The following RP1 variants were observed in gnomAD, a reference collection of about 807,000 sequenced individuals.
RP1 encodes the protein oxygen-regulated protein 1.
In RP1, 16 loss-of-function variants were observed where a neutral mutation model predicts 14.8. The observed-to-expected ratio is 1.08, with a 90% CI of 0.73 to 1.65. The LOEUF (loss-of-function observed/expected upper bound fraction) is 1.65, where lower values mean the gene tolerates loss of function less well. Ranked by LOEUF, RP1 falls within the 40% of genes most tolerant of loss-of-function variation. RP1 has a pLI of 0.00. For synonymous variants in RP1, 876 were observed against 883.6 expected, an observed-to-expected ratio of 0.99 and a Z score of 0.15; for missense variants, 2,631 against 2,535.0, an observed-to-expected ratio of 1.04 and a Z score of -0.81.
At chr8:54,651,250 C>T (rs1328462082) in intron 4 of RP1, among the ~76,000 whole-genome samples, 1 of 152,012 alleles carries the variant, frequency 6.6e-6, no homozygotes, top group Non-Finnish European at 1.5e-5. Flanking sequence ...TTTATAGTTT[C>T]CTTGTTATGT....
Position 54,648,983 on chromosome 8 carries a change from A to T in RP1, c.788-2A>T, listed in dbSNP as rs1215176189. ...TGCTGTATGTTATTTTTTCTTTTATAGGTAGTAACTGGAAAGTTTTTATAA... is the reference window on the plus strand; with the variant it reads ...TGCTGTATGTTATTTTTTCTTTTATTGGTAGTAACTGGAAAGTTTTTATAA... On this transcript the variant is annotated splice_acceptor_variant, in intron 3 of 22. Coordinates refer to the RP1 transcript ENST00000636932. LOFTEE classifies it high-confidence loss of function. The T allele has an allele frequency of 6.7e-7, 1 of 1,495,954 alleles. No individual in the cohort carries two copies. Among genetic ancestry groups the T allele is most frequent in the Admixed American group, 2.4e-5 (1 of 40,970 alleles). 92.7% of individuals were successfully genotyped at this position (1,495,954 alleles called of 1,614,324 possible). A position where few individuals can be genotyped will look rare whatever the true frequency, so the allele number is the denominator to read the frequency against.
chr8:54,701,271 G>A (rs1433558680), intron 13 of RP1, among the ~76,000 whole-genome samples: 1 of 152,028 alleles, frequency 6.6e-6, no homozygotes, highest in Non-Finnish European at 1.5e-5. Context: ...TTCTTCCATG[G>A]ATTCTGAGAA....
intron 12 of RP1, among the ~76,000 whole-genome samples, chr8:54,687,598 A>T (rs1563347877): frequency 6.6e-6 from 1 of 152,054 alleles, no homozygotes; most frequent in Non-Finnish European, 1.5e-5. Flanking sequence ...GCTGAGAATG[A>T]TGGTTTCCAG....
chr8:54,831,241 T>C (rs1356020045), intron 24 of RP1, among the ~76,000 whole-genome samples: 2 of 152,018 alleles, frequency 1.3e-5, no homozygotes, highest in African/African-American at 4.8e-5. Flanking sequence ...TGTTGGGTCA[T>C]ATGGTAATAC....
intron 1 of RP1, among the ~76,000 whole-genome samples, chr8:54,578,203 C>T (rs1170808541): frequency 6.6e-6 from 1 of 151,752 alleles, no homozygotes; most frequent in Non-Finnish European, 1.5e-5. Context: ...TAATTTTTAA[C>T]TTTTTAATTT....
chr8:54,572,634 C>T (rs902071796), intron 1 of RP1, among the ~76,000 whole-genome samples: 2 of 152,170 alleles, frequency 1.3e-5, no homozygotes, highest in Admixed American at 6.5e-5. Context: ...AGTGCTTTTC[C>T]TCTTCATTAT....
In RP1 at chr8:54,810,708, C is replaced by A. The variant is rs572094199; in HGVS notation, c.3616-26742C>A. Among the ~76,000 whole-genome samples, 7 of 152,330 alleles carry A rather than the reference C, an allele frequency of 4.6e-5. No individual in the cohort carries two copies. In the South Asian group the frequency reaches 1.4e-3, roughly 32 times the overall value. ...TCTGTGGAAAATCCCTGTTCCAACA[C>A]TGTGCCTGCTTGCTGTTTAATGTTG... On this transcript the variant is annotated intron_variant, in intron 24 of 28. Transcript: ENST00000637698.
At chr8:54,579,658 C>A (rs1472189339) in intron 1 of RP1, among the ~76,000 whole-genome samples, 2 of 152,206 alleles carry the variant, frequency 1.3e-5, no homozygotes, top group Admixed American at 1.3e-4. Flanking sequence ...ATCTTTGAAA[C>A]CACCATGGGA....
downstream of RP1, among the ~76,000 whole-genome samples, chr8:54,774,329 C>T (rs1441459744): frequency 3.3e-5 from 5 of 152,104 alleles, no homozygotes; most frequent in Non-Finnish European, 5.9e-5. Flanking sequence ...AGCTGAGATG[C>T]CAGAGGAACC....
At chr8:54,684,568 A>G (rs1407734733) in intron 12 of RP1, among the ~76,000 whole-genome samples, 1 of 151,952 alleles carries the variant, frequency 6.6e-6, no homozygotes, top group Non-Finnish European at 1.5e-5. Flanking sequence ...GAATTTATCC[A>G]TTTCTTCTAG....
downstream of RP1, among the ~76,000 whole-genome samples, chr8:54,635,673 C>T (rs929717357): frequency 1.3e-5 from 2 of 152,208 alleles, no homozygotes; most frequent in African/African-American, 4.8e-5. Context: ...CTTACTTTCC[C>T]GTGTAGTTGT....
downstream of RP1, among the ~76,000 whole-genome samples, chr8:54,771,091 G>C (rs1024362879): frequency 6.6e-6 from 1 of 151,946 alleles, no homozygotes; most frequent in Non-Finnish European, 1.5e-5. Context: ...AACAGTTCAA[G>C]CTTAAACTAG....
intron 21 of RP1, among the ~76,000 whole-genome samples, chr8:54,757,951 G>C (rs1809549815): frequency 6.6e-6 from 1 of 152,220 alleles, no homozygotes; most frequent in Non-Finnish European, 1.5e-5. Flanking sequence ...CTCCACAGGA[G>C]GTTTCCATCA....
intron 18 of RP1, among the ~76,000 whole-genome samples, chr8:54,736,550 G>A (rs1808927885): frequency 6.6e-6 from 1 of 152,202 alleles, no homozygotes; most frequent in African/African-American, 2.4e-5. Context: ...TAGATGGGAA[G>A]TGCTCTACAG....
At chr8:54,652,631 T>C in intron 4 of RP1, 1 of 598,312 alleles carries the variant, frequency 1.7e-6, no homozygotes, top group East Asian at 2.8e-5. Flanking sequence ...TATATTTTAG[T>C]ACTCTCTTGT....
intron 12 of RP1, among the ~76,000 whole-genome samples, chr8:54,684,441 T>C (rs548284315): frequency 5.7e-4 from 87 of 152,292 alleles, no homozygotes; most frequent in African/African-American, 2.0e-3. Flanking sequence ...TGTCTGGTAG[T>C]AGGCTTTTTT....
chr8:54,824,428 A>G (rs1023819420), intron 24 of RP1, among the ~76,000 whole-genome samples: 3 of 152,160 alleles, frequency 2.0e-5, no homozygotes, highest in African/African-American at 7.2e-5. Flanking sequence ...TAATTTAGAA[A>G]CTCCCAGAGA....
chr8:54,718,868 G>A (rs1156591585), intron 15 of RP1, among the ~76,000 whole-genome samples: 1 of 152,166 alleles, frequency 6.6e-6, no homozygotes, highest in Non-Finnish European at 1.5e-5. Context: ...ATGAAGCATA[G>A]GGGATCTTTA....
rs1281849503 is a variant in RP1, at chr8:54,670,670, T to TA, written c.1324-3180_1324-3179insA. Among the ~76,000 whole-genome samples, 42 of 36,094 alleles carry TA rather than the reference T, an allele frequency of 1.2e-3. 2 individuals are homozygous for TA. The highest frequency in any genetic ancestry group is 7.9e-3 in the East Asian group (9 of 1,140). The allele number at this position is 36,094 out of a possible 152,430, so 23.7% of individuals were successfully genotyped here. ...TATATTTATGAATAATATATATGTT[T>TA]TTATATATATATATATATATATATA... On this transcript the variant is annotated intron_variant, in intron 7 of 22. Transcript: ENST00000636932.
Sources: allele counts gnomAD v4.1 joint callset (sites outside exome capture counted in the v4.1 genomes callset), GRCh38; gene constraint gnomAD v4.1.1; transcripts MANE v1.5; gene names NCBI Gene and HGNC (gene_info 2026-07-23, HGNC 2026-07-21).